ADGRE1: variants seen among roughly 807,000 people sequenced by gnomAD.
The protein encoded by ADGRE1 is adhesion G protein-coupled receptor E1.
A neutral mutation model predicts 102.7 loss-of-function variants in ADGRE1; 82 were observed. The ratio of observed to expected loss-of-function variants is 0.80; its 90% CI spans 0.67 to 0.96. The LOEUF (loss-of-function observed/expected upper bound fraction) is 0.96, where lower values mean the gene tolerates loss of function less well. Among genes scored for constraint, ADGRE1 ranks in the 40% least tolerant of loss-of-function variants. ADGRE1 has a pLI of 0.00. For synonymous variants in ADGRE1, 398 were observed against 399.6 expected (o/e 1.00, Z 0.05); for missense variants, 1,032 against 1,085.3 (o/e 0.95, Z 0.69).
chr19:6,939,447 TTGC>T (rs1861817049), intron 20 of ADGRE1, among the ~76,000 whole-genome samples: 1 of 152,132 alleles, frequency 6.6e-6, no homozygotes, highest in Non-Finnish European at 1.5e-5. Context: ...GAATTAGGTG[TTGC>T]GAATATTGCT....
At chr19:6,912,835 G>A (rs561943954) in intron 10 of ADGRE1, among the ~76,000 whole-genome samples, 1 of 152,338 alleles carries the variant, frequency 6.6e-6, no homozygotes, top group East Asian at 1.9e-4. Context: ...ATTAATTCCA[G>A]GAAGGGGAAT....
chr19:6,915,510 G>A (rs962920094), intron 11 of ADGRE1, among the ~76,000 whole-genome samples: 1 of 152,102 alleles, frequency 6.6e-6, no homozygotes, highest in African/African-American at 2.4e-5. Flanking sequence ...GCAAATTTAG[G>A]CAGCTAGTGC....
intron 6 of ADGRE1, among the ~76,000 whole-genome samples, chr19:6,902,434 T>A (rs943994528): frequency 6.6e-6 from 1 of 152,040 alleles, no homozygotes; most frequent in African/African-American, 2.4e-5. Context: ...TTTTTTGGGG[T>A]TTTTTTGTTT....
chr19:6,938,212 C>T (rs1053489523), intron 20 of ADGRE1, among the ~76,000 whole-genome samples: 14 of 152,040 alleles, frequency 9.2e-5, no homozygotes, highest in African/African-American at 2.9e-4. Flanking sequence ...TGGCAGGTGT[C>T]TGTAATCCCA....
intron 17 of ADGRE1, among the ~76,000 whole-genome samples, chr19:6,932,727 C>G (rs1284054670): frequency 6.6e-6 from 1 of 152,100 alleles, no homozygotes; most frequent in Non-Finnish European, 1.5e-5. Context: ...CCCTTTCTGG[C>G]TTTTTCCTGC....
intron 2 of ADGRE1, among the ~76,000 whole-genome samples, chr19:6,893,403 G>A (rs1973444646): frequency 2.6e-5 from 4 of 152,080 alleles, no homozygotes; most frequent in Admixed American, 2.6e-4. Context: ...GCTTCTTCAT[G>A]TTGGTCAGGC....
chr19:6,929,925 G>GT (rs1975072632), intron 17 of ADGRE1, among the ~76,000 whole-genome samples: 2 of 152,178 alleles, frequency 1.3e-5, no homozygotes, highest in South Asian at 4.2e-4. Flanking sequence ...GATTTCAAGC[G>GT]TGAGTCTCTG....
chr19:6,913,560 G>C, intron 10 of ADGRE1, 93 bp from the exon 11 acceptor site: 2 of 1,223,964 alleles, frequency 1.6e-6, no homozygotes, highest in Non-Finnish European at 2.2e-6. Context: ...CCTTTGGATG[G>C]ACTCCCAGCC....
At chr19:6,919,477 TGTG>T in intron 12 of ADGRE1, 68 bp from the exon 13 acceptor site, 1 of 908,144 alleles carries the variant, frequency 1.1e-6, no homozygotes, top group Non-Finnish European at 1.8e-6. Context: ...TGTGTGTGTG[TGTG>T]TTGGGTCTTC....
chr19:6,930,426 C>T (rs114116829), intron 17 of ADGRE1, among the ~76,000 whole-genome samples: 28 of 151,924 alleles, frequency 1.8e-4, no homozygotes, highest in South Asian at 4.1e-4. Flanking sequence ...TCATATTTTT[C>T]GAGGATTAAA....
chr19:6,929,626 A>T (rs1228425967), intron 17 of ADGRE1, among the ~76,000 whole-genome samples: 1 of 151,660 alleles, frequency 6.6e-6, no homozygotes, highest in Non-Finnish European at 1.5e-5. Flanking sequence ...GGGTTCAAGC[A>T]ATTATTCTGC....
intron 5 of ADGRE1, among the ~76,000 whole-genome samples, chr19:6,898,943 A>G (rs2144899348): frequency 6.6e-6 from 1 of 152,154 alleles, no homozygotes; most frequent in East Asian, 1.9e-4. Flanking sequence ...TTAACAATCT[A>G]TATCTTTTAA....
In ADGRE1 at chr19:6,889,687, C is replaced by CAAAA. The variant is rs1178774112; in HGVS notation, c.32-774_32-771dup. Reference sequence around the variant, plus strand: ...CTGGTGACAGAGTGAGACTCCATCTCAAAAAAAAAAAAAAAAAAAAAAAGG... The same window carrying CAAAA: ...CTGGTGACAGAGTGAGACTCCATCTCAAAAAAAAAAAAAAAAAAAAAAAAAAAGG... On this transcript the variant is annotated intron_variant, in intron 1 of 20. Transcript: ENST00000312053. Among the ~76,000 whole-genome samples, 9 of 41,738 alleles carry CAAAA rather than the reference C, an allele frequency of 2.2e-4. 1 individual carries two copies. The highest frequency in any genetic ancestry group is 1.1e-3 in the South Asian group (1 of 904). 27.4% of individuals were successfully genotyped at this position (41,738 alleles called of 152,430 possible).
chr19:6,922,873 C>T (rs1023134819), intron 14 of ADGRE1, among the ~76,000 whole-genome samples: 4 of 151,940 alleles, frequency 2.6e-5, no homozygotes, highest in South Asian at 2.1e-4. Context: ...GTCAGGAGAT[C>T]GAGACCATCC....
At chr19:6,933,833 C>T (rs1329776912) in intron 17 of ADGRE1, among the ~76,000 whole-genome samples, 4 of 152,270 alleles carry the variant, frequency 2.6e-5, no homozygotes, top group South Asian at 4.1e-4. Flanking sequence ...TGCTCTGACC[C>T]AAATGTCAGT....
At chr19:6,892,635 C>T (rs962340333) in intron 2 of ADGRE1, among the ~76,000 whole-genome samples, 1 of 152,166 alleles carries the variant, frequency 6.6e-6, no homozygotes, top group African/African-American at 2.4e-5. Context: ...GCTCGAAATC[C>T]TCCCATGACT....
chr19:6,926,303 C>T lies in ADGRE1; in HGVS notation c.1987-63C>T, dbSNP rs182327846. 2.2e-3 allele frequency: 3,399 copies of T among 1,570,852 alleles called. 2 individuals carry two copies. The highest frequency in any genetic ancestry group is 2.7e-3 in the Non-Finnish European group (3,106 of 1,150,652). Reference sequence around the variant, plus strand: ...TTCCAGCCGAGGAGTCTCTCTCTTCCTTTCTTCCTTTCGATTTCTCTCTGG... The same window carrying T: ...TTCCAGCCGAGGAGTCTCTCTCTTCTTTTCTTCCTTTCGATTTCTCTCTGG... On this transcript the variant is annotated intron_variant, in intron 15 of 20. Transcript: ENST00000312053.
At chr19:6,923,734 C>T (rs1031841361) in intron 14 of ADGRE1, among the ~76,000 whole-genome samples, 10 of 151,682 alleles carry the variant, frequency 6.6e-5, no homozygotes, top group African/African-American at 2.4e-4. Flanking sequence ...GATAGGATTT[C>T]GCCATGTTGG....
intron 2 of ADGRE1, chr19:6,896,156 C>T: frequency 4.6e-6 from 2 of 433,372 alleles, no homozygotes; most frequent in Non-Finnish European, 8.4e-6. Context: ...TATAAGGACA[C>T]CTGTGGCCCA....
Sources: gnomAD v4.1 joint callset for allele counts (sites outside exome capture counted in the v4.1 genomes callset) on GRCh38, gnomAD v4.1.1 for gene constraint, MANE v1.5 for transcripts, NCBI Gene and HGNC (gene_info 2026-07-23, HGNC 2026-07-21) for gene names.